BRME1: variants seen among roughly 807,000 people sequenced by gnomAD.
BRME1 encodes BRCA2 and MEILB2-associating protein 1.
In BRME1, 31 loss-of-function variants were observed where a neutral mutation model predicts 52.6. The ratio of observed to expected loss-of-function variants is 0.59; its 90% CI spans 0.44 to 0.80. The LOEUF (loss-of-function observed/expected upper bound fraction) is 0.80, where lower values mean the gene tolerates loss of function less well. BRME1 is among the 30% of genes least tolerant of loss of function. The pLI is 0.00. For missense variants in BRME1, 804 were observed against 860.3 expected, an observed-to-expected ratio of 0.93 and a Z score of 0.82; for synonymous variants, 359 against 353.6, an observed-to-expected ratio of 1.02 and a Z score of -0.17.
chr19:13,888,680 T>C lies in BRME1; in HGVS notation c.1668+508A>G, dbSNP rs192078652. On this transcript the variant is annotated intron_variant, in intron 6 of 8. Coordinates refer to ENST00000586783, the MANE Select transcript of BRME1 (RefSeq NM_001345843.2). This position sits in a 1 kb window ranked among gnomAD's most constrained non-coding sequence, Gnocchi z 4.1. ...TCTGGCAGAAAAACAAAATGACTTA[T>C]GTATGTTTGGAAAAGAATCATATCA... 4.6e-5 allele frequency among the ~76,000 whole-genome samples: 7 copies of C among 152,298 alleles called. No homozygotes were observed. The highest frequency in any genetic ancestry group is 2.1e-4 in the South Asian group (1 of 4,830).
In BRME1 at chr19:13,890,352, G is replaced by T. The variant is rs112207239; in HGVS notation, c.504C>A (p.Asp168Glu). The change falls in exon 6 of 9, where the codon GAC becomes GAA. Residue 168 changes from aspartate (D) to glutamate (E), a missense_variant. Around this residue, in one of 3 missense-constraint regions of BRME1, gnomAD observed 234 missense variants for 258.1 expected, o/e 0.91. Coordinates refer to ENST00000586783, the MANE Select transcript of BRME1 (RefSeq NM_001345843.2). ...ATELGDPTQA[D>E]SARPEQSSQS... ...GGCTGCTCTGCTCAGGGCGGGCACT[G>T]TCTGCCTGCGTTGGGTCCCCCAGCT... is the stretch of plus-strand genomic sequence containing the variant. The T allele has an allele frequency of 1.5e-3, 2,285 of 1,573,312 alleles. 46 individuals carry two copies. In the African/African-American group the frequency reaches 0.028, roughly 19 times the overall value.
rs769185430 is a variant in BRME1 at position 13,882,865 on chromosome 19, C to CAGGG, written c.1940_1943dup (p.Tyr650AlafsTer114). On this transcript the variant is annotated frameshift_variant, in exon 9 of 9. Transcript: ENST00000586783. LOFTEE classifies it low-confidence loss of function (END_TRUNC). The stretch of plus-strand genomic sequence containing the variant: ...TCCCAGGCCCCTTGGAAGGGTAAGG[C>CAGGG]AGGGGGGCTTTGCCTCCCAGCTTTG... 39 of 1,613,898 alleles carry CAGGG rather than the reference C, an allele frequency of 2.4e-5. No individual in the cohort carries two copies. The Middle Eastern group carries it at 6.6e-4, about 27-fold the overall frequency.
intron 2 of BRME1, among the ~76,000 whole-genome samples, chr19:13,900,549 GC>G (rs774473161): frequency 2.0e-5 from 3 of 152,134 alleles, no homozygotes; most frequent in Admixed American, 6.6e-5. Flanking sequence ...GAAAAAACAT[GC>G]ACACCATTCC....
intron 5 of BRME1, among the ~76,000 whole-genome samples, chr19:13,891,428 C>A (rs1969493534): frequency 6.7e-6 from 1 of 149,608 alleles, no homozygotes; most frequent in Non-Finnish European, 1.5e-5. Flanking sequence ...GGATTAAAGG[C>A]ATGAGCCACT....
At chr19:13,886,549 A>C (rs1169682294) in intron 6 of BRME1, among the ~76,000 whole-genome samples, 1 of 152,256 alleles carries the variant, frequency 6.6e-6, no homozygotes, top group Non-Finnish European at 1.5e-5. Context: ...GAAAACTCCC[A>C]GTGAATACAG....
In BRME1 at chr19:13,889,739, T is replaced by C; in HGVS notation, c.1117A>G (p.Arg373Gly). The part of the protein sequence containing the change: ...ASAISPASPR[R>G]KAADGGHRRA... ...CTGTGGCCTCCATCAGCGGCCTTCCTCCTGGGAGAGGCAGGTGATATGGCA... is the reference window on the plus strand; with the variant it reads ...CTGTGGCCTCCATCAGCGGCCTTCCCCCTGGGAGAGGCAGGTGATATGGCA... Residue 373 changes from arginine (R) to glycine (G), a missense_variant, in exon 6 of 9, where the codon AGG becomes GGG. Arg to Gly is a moderately radical substitution (Grantham distance 125). Coordinates refer to ENST00000586783, the MANE Select transcript of BRME1 (RefSeq NM_001345843.2). 1.2e-6 allele frequency: 2 copies of C among 1,609,294 alleles called. No homozygotes were observed. Among genetic ancestry groups the C allele is most frequent in the East Asian group, 2.2e-5 (1 of 44,852 alleles).
At chr19:13,885,869 G>A (rs1968975267) in intron 7 of BRME1, 92 bp downstream of exon 7, 4 of 1,092,336 alleles carry the variant, frequency 3.7e-6, no homozygotes, top group Non-Finnish European at 5.5e-6. Flanking sequence ...GGCCCAGGGA[G>A]GGAGAACTGG....
chr19:13,900,120 A>G (rs7507907), intron 2 of BRME1, among the ~76,000 whole-genome samples: 51,790 of 152,022 alleles, frequency 0.34, 11,964 homozygotes, highest in African/African-American at 0.66. Context: ...CATTTGTACC[A>G]AATAAAAAGC....
chr19:13,900,564 A>T (rs1016778544), intron 2 of BRME1, among the ~76,000 whole-genome samples: 5 of 152,202 alleles, frequency 3.3e-5, no homozygotes, highest in Non-Finnish European at 5.9e-5. Flanking sequence ...CCATTCCCTA[A>T]ATTCATCAGC....
chr19:13,892,982 G>T, intron 4 of BRME1, 92 bp from the exon 5 acceptor site: 1 of 1,393,652 alleles, frequency 7.2e-7, no homozygotes, highest in Non-Finnish European at 1.0e-6. Context: ...CTCCTTTCTT[G>T]TAGCCTTGAG....
Position 13,890,334 on chromosome 19 carries a change from C to G in BRME1, c.522G>C (p.Gln174His). The G allele has an allele frequency of 6.3e-7, 1 of 1,595,752 alleles. No individual in the cohort carries two copies. Among genetic ancestry groups the G allele is most frequent in the Non-Finnish European group, 8.5e-7 (1 of 1,171,402 alleles). ...CCGCCTGCACAGGGCTCTGGCTGCT[C>G]TGCTCAGGGCGGGCACTGTCTGCCT... ...PTQADSARPE[Q>H]SSQSPVQAVP... Residue 174 changes from glutamine (Q) to histidine (H), a missense_variant, in exon 6 of 9, where the codon CAG becomes CAC. Coordinates refer to ENST00000586783, the MANE Select transcript of BRME1 (RefSeq NM_001345843.2).
At chr19:13,886,973 TTTAAA>T in intron 6 of BRME1, among the ~76,000 whole-genome samples, 1 of 152,096 alleles carries the variant, frequency 6.6e-6, no homozygotes, top group South Asian at 2.1e-4. Context: ...GTCTCTAAAA[TTTAAA>T]TTAAATGACT....
In BRME1 at chr19:13,883,434, G is replaced by A. The variant is rs886450051; in HGVS notation, c.1764-34C>T. 26 of 1,444,278 alleles carry A rather than the reference G, an allele frequency of 1.8e-5. No homozygotes were observed. Among genetic ancestry groups the A allele is most frequent in the Admixed American group, 2.0e-5 (1 of 50,580 alleles). The allele number at this position is 1,444,278 out of a possible 1,614,324, so 89.5% of individuals were successfully genotyped here. A position where few individuals can be genotyped will look rare whatever the true frequency, so the allele number is the denominator to read the frequency against. On this transcript the variant is annotated intron_variant, in intron 7 of 8. Transcript: ENST00000586783. The surrounding 1 kb of genome is among the most constrained non-coding windows in gnomAD (Gnocchi z 4.2). ...CAGGGAAGGAAATTGAGAGTGGCCCGACCTCACTGGACTACCAGAGCTCTC... is the reference window on the plus strand; with the variant it reads ...CAGGGAAGGAAATTGAGAGTGGCCCAACCTCACTGGACTACCAGAGCTCTC...
At position 13,889,895 on chromosome 19, in the gene BRME1, C is replaced by T; in HGVS notation, c.961G>A (p.Glu321Lys). The T allele has an allele frequency of 6.2e-7, 1 of 1,613,100 alleles. No homozygotes were observed. The highest frequency in any genetic ancestry group is 1.7e-4 in the Middle Eastern group (1 of 6,060). The change falls in exon 6 of 9, where the codon GAA (glutamate) becomes AAA (lysine). Residue 321 changes from glutamate (E) to lysine (K), a missense_variant. Coordinates refer to ENST00000586783, the MANE Select transcript of BRME1 (RefSeq NM_001345843.2). The stretch of plus-strand genomic sequence containing the variant: ...AGGCTGCTATGAGTCCCTTCCCCTT[C>T]CCTACCCATCCTGCTGGGGGTCTGC... Reference protein sequence around the residue: ...PQQTPSRMGREGEGTHSSLGC... With the variant: ...PQQTPSRMGRKGEGTHSSLGC...
chr19:13,896,645 C>T (rs1445501080), intron 2 of BRME1, among the ~76,000 whole-genome samples: 1 of 146,702 alleles, frequency 6.8e-6, no homozygotes, highest in East Asian at 1.9e-4. Context: ...TGTATTTATA[C>T]ATACGTATTT....
Position 13,905,933 on chromosome 19 carries a change from C to G in BRME1, c.-240G>C, listed in dbSNP as rs1970692330. 2 of 148,534 alleles carry G rather than the reference C, an allele frequency of 1.3e-5. No individual in the cohort carries two copies. The highest frequency in any genetic ancestry group is 5.0e-5 in the African/African-American group (2 of 40,354). 9.2% of individuals were successfully genotyped at this position (148,534 alleles called of 1,614,324 possible). A position where few individuals can be genotyped will look rare whatever the true frequency, so the allele number is the denominator to read the frequency against. On this transcript the variant is annotated 5_prime_UTR_variant, in exon 1 of 9. Transcript: ENST00000586783. ...GTAGACCCCGCTCCCGGTGACAAGC[C>G]CCACACTGACACTACGCCGACCACC...
rs1455028515 is a variant in BRME1 at position 13,882,729 on chromosome 19, C to T, written c.*73G>A. On this transcript the variant is annotated 3_prime_UTR_variant, in exon 9 of 9. Coordinates refer to ENST00000586783, the MANE Select transcript of BRME1 (RefSeq NM_001345843.2). ...GAGGTTTGTAGGGTCCACTAGGACC[C>T]CCTGGAGCATCTTGGAGGAGGTCTG... is the stretch of plus-strand genomic sequence containing the variant. The T allele has an allele frequency of 1.0e-5, 16 of 1,590,644 alleles. No individual in the cohort carries two copies. The highest frequency in any genetic ancestry group is 1.9e-4 in the Middle Eastern group (1 of 5,264).
At chr19:13,903,240 T>C (rs1197167071) in intron 2 of BRME1, among the ~76,000 whole-genome samples, 2 of 152,140 alleles carry the variant, frequency 1.3e-5, no homozygotes, top group African/African-American at 4.8e-5. Flanking sequence ...AAGGGCAGGA[T>C]TCTTCACCTT....
At chr19:13,897,894 A>T in intron 2 of BRME1, among the ~76,000 whole-genome samples, 1 of 151,944 alleles carries the variant, frequency 6.6e-6, no homozygotes, top group Non-Finnish European at 1.5e-5. Flanking sequence ...TTAAATTAAA[A>T]TAAATAAATA....
Sources: gnomAD v4.1 joint callset for allele counts (sites outside exome capture counted in the v4.1 genomes callset) on GRCh38, gnomAD v4.1.1 for gene constraint, gnomAD v4.1.1 regional missense constraint, Gnocchi (gnomAD v3.1) non-coding constraint, MANE v1.5 for transcripts, NCBI Gene and HGNC (gene_info 2026-07-23, HGNC 2026-07-21) for gene names.